The following SLC9B2 variants were observed in gnomAD, a reference collection of about 807,000 sequenced individuals.
The protein encoded by SLC9B2 is sodium/hydrogen exchanger 9B2.
SLC9B2 carries 39 observed loss-of-function variants against 52.2 expected under a neutral mutation model. The ratio of observed to expected loss-of-function variants is 0.75; its 90% confidence interval spans 0.58 to 0.98. SLC9B2 has a LOEUF of 0.98. Ranked by LOEUF, SLC9B2 falls within the 50% of genes least tolerant of loss-of-function variation. SLC9B2 has a pLI of 0.00. For synonymous variants in SLC9B2, 214 were observed against 227.0 expected, an observed-to-expected ratio of 0.94 and a Z score of 0.51; for missense variants, 626 against 637.5, an observed-to-expected ratio of 0.98 and a Z score of 0.19.
Position 103,043,341 on chromosome 4 carries a change from C to T in SLC9B2, c.1101G>A (p.Thr367=), listed in dbSNP as rs367604688. ...TGCCTGCAAGGAAAGCCATGACCAA[C>T]GTGCACAGTCCTCCTGATCCAGGGA... The part of the protein sequence containing the change: ...FGFPGSGGLC[T]LVMAFLAGMG... Residue 367 remains threonine, a synonymous_variant, in exon 9 of 12, where the codon ACG becomes ACA. Transcript: ENST00000394785. 1.2e-5 allele frequency: 20 copies of T among 1,613,476 alleles called. No individual in the cohort carries two copies. Among genetic ancestry groups the T allele is most frequent in the Admixed American group, 1.7e-5 (1 of 59,804 alleles).
intron 1 of SLC9B2, among the ~76,000 whole-genome samples, chr4:103,072,650 T>C (rs999548541): frequency 2.6e-5 from 4 of 152,312 alleles, no homozygotes; most frequent in Non-Finnish European, 5.9e-5. Flanking sequence ...GTCCGTAGGC[T>C]CTCGGTCAAG....
At chr4:103,036,648 T>G (rs1229504695) in intron 9 of SLC9B2, among the ~76,000 whole-genome samples, 1 of 148,254 alleles carries the variant, frequency 6.7e-6, no homozygotes, top group Non-Finnish European at 1.5e-5. Context: ...TAAATTGACA[T>G]GCCTTTTTTT....
chr4:103,052,493 A>G (rs967157431), intron 4 of SLC9B2, among the ~76,000 whole-genome samples: 7 of 152,204 alleles, frequency 4.6e-5, no homozygotes, highest in African/African-American at 1.7e-4. Context: ...GTATAGGTAT[A>G]TGTCATTTTT....
In SLC9B2 at chr4:103,050,278, TAGAC is replaced by T. The variant is rs773695738; in HGVS notation, c.543_546del (p.Ile183PhefsTer14). On this transcript the variant is annotated frameshift_variant, in exon 5 of 12. Coordinates refer to ENST00000394785, the MANE Select transcript of SLC9B2 (RefSeq NM_178833.7). ...CCAAGGCCAGCACGAACCAGAATGA[TAGAC>T]AGGGCTATGCTTCTCAAAGAGGAAG... 1 of 1,606,228 alleles carries T rather than the reference TAGAC, an allele frequency of 6.2e-7. No homozygotes were observed. The highest frequency in any genetic ancestry group is 8.5e-7 in the Non-Finnish European group (1 of 1,177,030).
intron 3 of SLC9B2, 70 bp downstream of exon 3, chr4:103,066,257 C>T: frequency 6.6e-7 from 1 of 1,516,114 alleles, no homozygotes; most frequent in Non-Finnish European, 8.9e-7. Context: ...GTCCTTTCAA[C>T]CATATTATTT....
At chr4:103,055,768 G>GC (rs1344302370) in intron 4 of SLC9B2, among the ~76,000 whole-genome samples, 2 of 150,678 alleles carry the variant, frequency 1.3e-5, no homozygotes, top group Non-Finnish European at 3.0e-5. Context: ...AACACAAAAT[G>GC]CCTCTGTGGT....
chr4:103,066,279 A>G, intron 3 of SLC9B2, 48 bp downstream of exon 3: 1 of 1,575,866 alleles, frequency 6.3e-7, no homozygotes, highest in Non-Finnish European at 8.6e-7. Context: ...GTAATCTGCC[A>G]TTATAACAAC....
At chr4:103,055,338 T>C (rs924208580) in intron 4 of SLC9B2, among the ~76,000 whole-genome samples, 1 of 152,102 alleles carries the variant, frequency 6.6e-6, no homozygotes, top group Admixed American at 6.5e-5. Flanking sequence ...TGTATACATA[T>C]GTAACTAACC....
intron 8 of SLC9B2, among the ~76,000 whole-genome samples, chr4:103,043,841 A>C (rs1743859378): frequency 1.3e-5 from 2 of 152,200 alleles, no homozygotes; most frequent in Admixed American, 6.6e-5. Context: ...AAGCATTTAC[A>C]TCATAGGGTT....
At chr4:103,019,757 T>C (rs1279384051), downstream of SLC9B2, 5 of 985,464 alleles carry the variant, frequency 5.1e-6, no homozygotes, top group East Asian at 1.1e-4. Flanking sequence ...CGGCAGCGCG[T>C]TTAAGTGACG....
intron 3 of SLC9B2, among the ~76,000 whole-genome samples, chr4:103,065,077 G>C (rs1745992810): frequency 6.6e-6 from 1 of 151,892 alleles, no homozygotes; most frequent in Admixed American, 6.6e-5. Flanking sequence ...AAGGTTGGGT[G>C]GGGGAGGTGA....
At chr4:103,039,971 T>G (rs1365252450) in intron 9 of SLC9B2, among the ~76,000 whole-genome samples, 1 of 152,088 alleles carries the variant, frequency 6.6e-6, no homozygotes, top group African/African-American at 2.4e-5. Context: ...TTATCCTGGC[T>G]CTGTCACTTA....
intron 8 of SLC9B2, among the ~76,000 whole-genome samples, chr4:103,043,986 T>C (rs1480232982): frequency 1.3e-5 from 2 of 152,156 alleles, no homozygotes; most frequent in African/African-American, 4.8e-5. Context: ...CTGACAGTAG[T>C]TTTTGTTGCT....
At chr4:103,048,216 C>G (rs1401912977) in intron 6 of SLC9B2, among the ~76,000 whole-genome samples, 1 of 152,138 alleles carries the variant, frequency 6.6e-6, no homozygotes, top group Admixed American at 6.5e-5. Flanking sequence ...GCACTTTACA[C>G]GTATTCACTA....
At chr4:103,064,786 A>T (rs1048709597) in intron 3 of SLC9B2, among the ~76,000 whole-genome samples, 9 of 152,234 alleles carry the variant, frequency 5.9e-5, no homozygotes, top group Non-Finnish European at 1.2e-4. Context: ...ATAAAAATAA[A>T]TAAATAATGC....
At chr4:103,052,246 T>C (rs1365893827) in intron 4 of SLC9B2, among the ~76,000 whole-genome samples, 1 of 152,172 alleles carries the variant, frequency 6.6e-6, no homozygotes, top group Non-Finnish European at 1.5e-5. Flanking sequence ...CTAGATTCCT[T>C]GAATGTGCAG....
intron 9 of SLC9B2, among the ~76,000 whole-genome samples, 200 bp from the exon 10 acceptor site, chr4:103,032,008 T>C (rs1032914347): frequency 2.0e-5 from 3 of 152,192 alleles, no homozygotes; most frequent in African/African-American, 4.8e-5. Context: ...TGAGGTGTTT[T>C]AGCATACTAA....
intron 9 of SLC9B2, among the ~76,000 whole-genome samples, chr4:103,035,313 C>A (rs1053780288): frequency 4.0e-5 from 6 of 151,826 alleles, no homozygotes; most frequent in African/African-American, 1.4e-4. Flanking sequence ...AGGACATGAT[C>A]TTCTTTTTTA....
At chr4:103,076,849 C>G (rs113386146), upstream of SLC9B2, 1 of 152,312 alleles carries the variant, frequency 6.6e-6, no homozygotes, top group Admixed American at 6.5e-5. Flanking sequence ...TTATCGTTCC[C>G]GAAACCAACC....
Sources: gnomAD v4.1 joint callset for allele counts (sites outside exome capture counted in the v4.1 genomes callset) on GRCh38, gnomAD v4.1.1 for gene constraint, MANE v1.5 for transcripts, NCBI Gene and HGNC (gene_info 2026-07-23, HGNC 2026-07-21) for gene names.